Variants in PCDH15 observed in about 807,000 individuals in gnomAD.
PCDH15 encodes the protein protocadherin related 15.
A neutral mutation model predicts 178.5 loss-of-function variants in PCDH15; 129 were observed. The observed-to-expected ratio is 0.72, with a 90% CI of 0.63 to 0.84. PCDH15 has a LOEUF of 0.84. PCDH15 is among the 40% of genes least tolerant of loss of function. PCDH15 has a pLI of 0.00. For synonymous variants in PCDH15, 800 were observed against 732.0 expected, an observed-to-expected ratio of 1.09 and a Z score of -1.50; for missense variants, 2,230 against 2,099.9, an observed-to-expected ratio of 1.06 and a Z score of -1.21.
intron 13 of PCDH15, among the ~76,000 whole-genome samples, chr10:54,162,958 G>C (rs2045864192): frequency 6.8e-6 from 1 of 147,214 alleles, no homozygotes; most frequent in African/African-American, 2.5e-5. Flanking sequence ...ATGTGTTTAA[G>C]TGTGGGATGA....
intron 18 of PCDH15, among the ~76,000 whole-genome samples, chr10:54,052,527 T>A (rs958829303): frequency 1.3e-5 from 2 of 152,246 alleles, no homozygotes; most frequent in Non-Finnish European, 2.9e-5. Flanking sequence ...TTAGAATGCA[T>A]GTGTTTATCC....
intron 15 of PCDH15, among the ~76,000 whole-genome samples, chr10:54,091,411 T>C (rs1029562462): frequency 3.3e-5 from 5 of 152,154 alleles, no homozygotes; most frequent in Admixed American, 1.3e-4. Context: ...GTCCCAGCCA[T>C]AAGAGGCTGA....
chr10:55,597,210 T>C (rs1431696293), intron 2 of PCDH15: 5 of 152,212 alleles, frequency 3.3e-5, no homozygotes, highest in Non-Finnish European at 5.9e-5. Context: ...AATTCATTCA[T>C]GCTTGAAGGG....
chr10:55,199,119 G>C (rs2132156309), intron 1 of PCDH15, among the ~76,000 whole-genome samples: 1 of 152,170 alleles, frequency 6.6e-6, no homozygotes, highest in East Asian at 1.9e-4. Flanking sequence ...ATAGCTGGGG[G>C]GCTCAGAAGA....
upstream of PCDH15, among the ~76,000 whole-genome samples, chr10:54,804,927 T>TATATATATATATATATATATATATATA (rs1952750730): frequency 2.2e-4 from 11 of 50,844 alleles, no homozygotes; most frequent in East Asian, 1.9e-3. Context: ...TCATAGTAGA[T>TATATATATATATATATATATATATATA]TATATATATA....
At chr10:55,598,893 C>G (rs1374930462) in intron 2 of PCDH15, among the ~76,000 whole-genome samples, 1 of 152,010 alleles carries the variant, frequency 6.6e-6, no homozygotes, top group Non-Finnish European at 1.5e-5. Flanking sequence ...ACCCAAAGCA[C>G]TCGGCTTACA....
chr10:55,370,719 C>T (rs1363865664), intron 2 of PCDH15, among the ~76,000 whole-genome samples: 1 of 152,006 alleles, frequency 6.6e-6, no homozygotes, highest in African/African-American at 2.4e-5. Flanking sequence ...CAGAAGTGTA[C>T]CTTTAAGCCA....
intron 29 of PCDH15, among the ~76,000 whole-genome samples, chr10:53,833,908 G>A (rs552021313): frequency 6.6e-6 from 1 of 151,940 alleles, no homozygotes; most frequent in South Asian, 2.1e-4. Flanking sequence ...TTTCAGGAAA[G>A]GTTGAATCCA....
intron 3 of PCDH15, among the ~76,000 whole-genome samples, chr10:54,818,459 G>A (rs1310442589): frequency 2.0e-5 from 3 of 151,910 alleles, no homozygotes; most frequent in African/African-American, 4.8e-5. Context: ...ATCTATGCTG[G>A]TTTGTTATTC....
chr10:54,851,881 T>A (rs1051667219), intron 3 of PCDH15, among the ~76,000 whole-genome samples: 12 of 152,186 alleles, frequency 7.9e-5, no homozygotes, highest in African/African-American at 2.9e-4. Context: ...GATTATTATA[T>A]AATTTAATAC....
intron 5 of PCDH15, among the ~76,000 whole-genome samples, chr10:54,355,887 A>G (rs1009458464): frequency 6.6e-6 from 1 of 152,184 alleles, no homozygotes; most frequent in African/African-American, 2.4e-5. Context: ...AAAGCATTCA[A>G]TAAGCGCTCA....
chr10:55,211,574 G>T (rs1303450209), intron 1 of PCDH15, among the ~76,000 whole-genome samples: 1 of 151,986 alleles, frequency 6.6e-6, no homozygotes, highest in Non-Finnish European at 1.5e-5. Flanking sequence ...CCCAAATATT[G>T]CTTCTGAATA....
intron 14 of PCDH15, among the ~76,000 whole-genome samples, chr10:54,137,427 A>T (rs12261521): frequency 0.015 from 2,342 of 152,238 alleles, 73 homozygotes; most frequent in African/African-American, 0.054. Context: ...ATAAATATAA[A>T]TACATATATA....
intron 5 of PCDH15, among the ~76,000 whole-genome samples, chr10:54,368,829 G>A (rs761686500): frequency 2.0e-5 from 3 of 151,806 alleles, no homozygotes; most frequent in Non-Finnish European, 4.4e-5. Context: ...ATAATAACTC[G>A]TGTTATGCCT....
intron 18 of PCDH15, among the ~76,000 whole-genome samples, chr10:54,028,249 C>T (rs1346376919): frequency 4.7e-5 from 7 of 149,806 alleles, no homozygotes; most frequent in African/African-American, 1.7e-4. Context: ...TACCATCTCA[C>T]ACCAGTTAGA....
rs114396745 is a variant in PCDH15 at position 55,585,864 on chromosome 10, A to G, written c.-156+41761T>C. On this transcript the variant is annotated intron_variant, in intron 2 of 5. Transcript: ENST00000613346. ...ACAACTCAGGATAATTTGCTTGTCA[A>G]ATTATACATAGAACTACTGTTCTGC... 5.2e-3 allele frequency among the ~76,000 whole-genome samples: 785 copies of G among 152,178 alleles called. 7 individuals carry two copies. Among genetic ancestry groups the G allele is most frequent in the African/African-American group, 0.018 (759 of 41,518 alleles).
intron 3 of PCDH15, among the ~76,000 whole-genome samples, chr10:54,869,788 C>G (rs1284415343): frequency 3.3e-5 from 5 of 152,058 alleles, no homozygotes; most frequent in Non-Finnish European, 7.4e-5. Flanking sequence ...ACTTATAAAA[C>G]AAGCATTTGA....
chr10:55,568,079 A>G (rs1226544064), intron 2 of PCDH15, among the ~76,000 whole-genome samples: 3 of 152,040 alleles, frequency 2.0e-5, no homozygotes, highest in Non-Finnish European at 4.4e-5. Flanking sequence ...GTATGTACCC[A>G]ATAGTTTCTT....
At chr10:54,862,660 G>T (rs1953864325) in intron 3 of PCDH15, among the ~76,000 whole-genome samples, 1 of 152,136 alleles carries the variant, frequency 6.6e-6, no homozygotes, top group Admixed American at 6.6e-5. Flanking sequence ...ACTCTTTCAG[G>T]AATGAATTAG....
Sources: allele counts gnomAD v4.1 joint callset (sites outside exome capture counted in the v4.1 genomes callset), GRCh38; gene constraint gnomAD v4.1.1; transcripts MANE v1.5; gene names NCBI Gene and HGNC (gene_info 2026-07-23, HGNC 2026-07-21).